Variants in MACROD2 observed in about 807,000 individuals in gnomAD.
The protein encoded by MACROD2 is mono-ADP ribosylhydrolase 2.
MACROD2 carries 36 observed loss-of-function variants against 70.4 expected under a neutral mutation model. That is an observed-to-expected ratio of 0.51 (90% CI 0.39 to 0.68). MACROD2 has a LOEUF of 0.68. MACROD2 is among the 30% of genes least tolerant of loss of function. MACROD2 has a pLI of 0.00. For synonymous variants in MACROD2, 172 were observed against 178.8 expected (o/e 0.96, Z 0.30); for missense variants, 496 against 538.4 (o/e 0.92, Z 0.78).
intron 4 of MACROD2, among the ~76,000 whole-genome samples, chr20:14,522,691 A>C (rs2085182501): frequency 6.6e-6 from 1 of 152,332 alleles, no homozygotes; most frequent in South Asian, 2.1e-4. Flanking sequence ...CATTTGACTC[A>C]GGTTGCCAGT....
At chr20:14,668,514 CT>C (rs1568729361) in intron 4 of MACROD2, among the ~76,000 whole-genome samples, 1 of 152,148 alleles carries the variant, frequency 6.6e-6, no homozygotes, top group African/African-American at 2.4e-5. Context: ...GCTCACTGCA[CT>C]TTTGATTCGG....
At chr20:14,862,500 T>C (rs1247770971) in intron 5 of MACROD2, among the ~76,000 whole-genome samples, 5 of 34,172 alleles carry the variant, frequency 1.5e-4, no homozygotes, top group African/African-American at 5.8e-4. Context: ...TATATATAAA[T>C]ATATATAAAT....
At chr20:14,670,045 C>A (rs767764731) in intron 4 of MACROD2, among the ~76,000 whole-genome samples, 7 of 151,860 alleles carry the variant, frequency 4.6e-5, no homozygotes, top group African/African-American at 7.3e-5. Flanking sequence ...TGAATTTTTT[C>A]TTTTCAAGTA....
chr20:15,835,463 A>G (rs369958363), intron 8 of MACROD2, among the ~76,000 whole-genome samples: 1 of 152,124 alleles, frequency 6.6e-6, no homozygotes, highest in Non-Finnish European at 1.5e-5. Context: ...TTAATGTATT[A>G]GCACCATTAA....
intron 15 of MACROD2, among the ~76,000 whole-genome samples, chr20:15,996,466 C>T (rs1166046738): frequency 1.3e-5 from 2 of 152,044 alleles, no homozygotes; most frequent in Admixed American, 6.6e-5. Flanking sequence ...AGTGAATTAA[C>T]CTGGTCCTGG....
chr20:15,788,265 A>G (rs1458975445), intron 8 of MACROD2, among the ~76,000 whole-genome samples: 3 of 152,146 alleles, frequency 2.0e-5, no homozygotes, highest in Non-Finnish European at 4.4e-5. Flanking sequence ...GCCGTTGCTG[A>G]GATTATTAGA....
chr20:15,727,213 T>C (rs2050877464), intron 8 of MACROD2, among the ~76,000 whole-genome samples: 1 of 152,154 alleles, frequency 6.6e-6, no homozygotes, highest in South Asian at 2.1e-4. Flanking sequence ...CCTTTCCCCA[T>C]TGCTTGTTTT....
chr20:14,216,848 A>G (rs997133272), intron 3 of MACROD2, among the ~76,000 whole-genome samples: 1 of 152,094 alleles, frequency 6.6e-6, no homozygotes, highest in African/African-American at 2.4e-5. Context: ...TGATTTGTGT[A>G]CATTAATCTC....
intron 5 of MACROD2, among the ~76,000 whole-genome samples, chr20:15,112,313 G>A (rs2075961160): frequency 6.6e-6 from 1 of 152,150 alleles, no homozygotes; most frequent in Admixed American, 6.5e-5. Flanking sequence ...CCACTGGATA[G>A]ACCTATTAGC....
intron 5 of MACROD2, among the ~76,000 whole-genome samples, chr20:15,100,116 A>G (rs1275607233): frequency 1.3e-5 from 2 of 151,896 alleles, no homozygotes; most frequent in Admixed American, 6.6e-5. Flanking sequence ...TTCTTTTTTT[A>G]AATAGAGACA....
chr20:14,298,316 C>T (rs547573478), intron 3 of MACROD2, among the ~76,000 whole-genome samples: 1 of 151,808 alleles, frequency 6.6e-6, no homozygotes, highest in South Asian at 2.1e-4. Context: ...GCCTGTAATC[C>T]CAGCACTTTG....
intron 3 of MACROD2, among the ~76,000 whole-genome samples, chr20:14,112,181 T>C (rs2054459489): frequency 6.6e-6 from 1 of 151,676 alleles, no homozygotes; most frequent in African/African-American, 2.4e-5. Context: ...TTCATGGAGA[T>C]AGAGAGTAGA....
intron 3 of MACROD2, among the ~76,000 whole-genome samples, chr20:14,245,509 T>G (rs960957569): frequency 6.6e-6 from 1 of 152,154 alleles, no homozygotes; most frequent in Non-Finnish European, 1.5e-5. Flanking sequence ...TGCACAGAGT[T>G]GCATAGTTAG....
At chr20:15,861,923 A>G (rs1345960447) in intron 8 of MACROD2, among the ~76,000 whole-genome samples, 2 of 152,184 alleles carry the variant, frequency 1.3e-5, no homozygotes. Context: ...TTATGTTGTT[A>G]AAACAAAATA....
At chr20:14,308,650 C>G (rs77879943) in intron 3 of MACROD2, among the ~76,000 whole-genome samples, 2,303 of 152,222 alleles carry the variant, frequency 0.015, 24 homozygotes, top group African/African-American at 0.027. Context: ...TGGATTAGCT[C>G]TAGGAAGTGG....
At chr20:14,663,553 CACAT>C (rs1044597562) in intron 4 of MACROD2, among the ~76,000 whole-genome samples, 3 of 149,478 alleles carry the variant, frequency 2.0e-5, no homozygotes, top group East Asian at 1.9e-4. Context: ...CACACACACA[CACAT>C]GCACACATAT....
intron 8 of MACROD2, among the ~76,000 whole-genome samples, chr20:15,661,520 G>A (rs1223716152): frequency 6.6e-6 from 1 of 152,182 alleles, no homozygotes; most frequent in African/African-American, 2.4e-5. Context: ...ATTCACTACT[G>A]TAGAACACTG....
chr20:14,843,282 G>A (rs1295147003), intron 5 of MACROD2, among the ~76,000 whole-genome samples: 2 of 149,614 alleles, frequency 1.3e-5, no homozygotes, highest in African/African-American at 4.9e-5. Context: ...AAATATTAGA[G>A]CTTTTCTATA....
intron 5 of MACROD2, among the ~76,000 whole-genome samples, chr20:14,853,328 T>C (rs1354553169): frequency 1.3e-5 from 2 of 152,028 alleles, no homozygotes; most frequent in Admixed American, 6.5e-5. Flanking sequence ...TGTTAGTGAC[T>C]GAATTCACTA....
Sources: allele counts gnomAD v4.1 joint callset (sites outside exome capture counted in the v4.1 genomes callset), GRCh38; gene constraint gnomAD v4.1.1; transcripts MANE v1.5; gene names NCBI Gene and HGNC (gene_info 2026-07-23, HGNC 2026-07-21).